The following ATG4C variants were observed in gnomAD, a reference collection of about 807,000 sequenced individuals.
The protein encoded by ATG4C is cysteine protease ATG4C.
Under a neutral mutation model 57.6 loss-of-function variants are expected in ATG4C, and 56 were observed. The observed-to-expected ratio is 0.97, with a 90% CI of 0.78 to 1.21. The LOEUF is 1.21. ATG4C is among the 50% of genes most tolerant of loss of function. The pLI, the probability that ATG4C is intolerant of heterozygous loss-of-function variation, is 0.00. For missense variants in ATG4C, 595 were observed against 529.8 expected (o/e 1.12, Z -1.21); for synonymous variants, 157 against 174.1 (o/e 0.90, Z 0.78).
intron 6 of ATG4C, among the ~76,000 whole-genome samples, chr1:62,822,525 G>T (rs1036791259): frequency 2.6e-5 from 4 of 152,132 alleles, no homozygotes; most frequent in African/African-American, 9.7e-5. Flanking sequence ...CTAGATATTT[G>T]TTACATATAA....
chr1:62,845,111 A>G (rs1387452404), intron 10 of ATG4C, among the ~76,000 whole-genome samples: 2 of 152,042 alleles, frequency 1.3e-5, no homozygotes, highest in African/African-American at 2.4e-5. Flanking sequence ...GTAGGGTTAC[A>G]TTAGATATAC....
intron 6 of ATG4C, among the ~76,000 whole-genome samples, chr1:62,823,637 G>A (rs926090794): frequency 6.6e-6 from 1 of 152,136 alleles, no homozygotes; most frequent in African/African-American, 2.4e-5. Context: ...GGCATATGAA[G>A]CACAATGAAG....
In ATG4C at chr1:62,857,491, A is replaced by G. The variant is rs1163647644; in HGVS notation, c.1210-6501A>G. 4.6e-5 allele frequency among the ~76,000 whole-genome samples: 7 copies of G among 152,104 alleles called. 1 individual carries two copies. The South Asian group carries it at 1.4e-3, about 31-fold the overall frequency. ...TAGTGAGTTGTGTAATTATTTCATT[A>G]TATATATTATATATTGCAATGTAAT... On this transcript the variant is annotated intron_variant, in intron 10 of 10. Transcript: ENST00000317868.
chr1:62,788,270 C>G (rs1474888243), intron 1 of ATG4C, among the ~76,000 whole-genome samples: 1 of 152,190 alleles, frequency 6.6e-6, no homozygotes, highest in East Asian at 1.9e-4. Context: ...TACTTTTTCC[C>G]TTATTTTTTT....
chr1:62,850,276 C>G (rs185739652), intron 10 of ATG4C, among the ~76,000 whole-genome samples: 2 of 152,126 alleles, frequency 1.3e-5, no homozygotes, highest in African/African-American at 4.8e-5. Flanking sequence ...AATTTCTCAC[C>G]ACTCTCATTA....
intron 1 of ATG4C, among the ~76,000 whole-genome samples, chr1:62,801,452 T>G (rs796347614): frequency 3.2e-4 from 49 of 152,288 alleles, no homozygotes; most frequent in African/African-American, 1.2e-3. Context: ...CCTAGAACAG[T>G]GCCTGGCAAT....
intron 9 of ATG4C, among the ~76,000 whole-genome samples, chr1:62,839,791 T>C (rs1666110965): frequency 6.6e-6 from 1 of 152,172 alleles, no homozygotes; most frequent in South Asian, 2.1e-4. Context: ...TCTCAGTATA[T>C]AAAGTAAGTT....
chr1:62,798,867 A>G lies in ATG4C; in HGVS notation c.-68-4852A>G, dbSNP rs974759857. Among the ~76,000 whole-genome samples the G allele has an allele frequency of 5.5e-4, 83 of 151,990 alleles. 4 individuals carry two copies. Among genetic ancestry groups the G allele is most frequent in the African/African-American group, 2.4e-5 (1 of 41,366 alleles). On this transcript the variant is annotated intron_variant, in intron 1 of 10. Coordinates refer to ENST00000317868, the MANE Select transcript of ATG4C (RefSeq NM_032852.4). Reference sequence around the variant, plus strand: ...GCCATGTTGGTCAGGCTGGTCTCAAACCCCTGACCTCGTGATCCACCCACC... The same window carrying G: ...GCCATGTTGGTCAGGCTGGTCTCAAGCCCCTGACCTCGTGATCCACCCACC...
At chr1:62,802,327 A>G (rs1436919031) in intron 1 of ATG4C, among the ~76,000 whole-genome samples, 1 of 152,184 alleles carries the variant, frequency 6.6e-6, no homozygotes, top group African/African-American at 2.4e-5. Context: ...TCCGAAAATC[A>G]GAAATCTGAA....
intron 1 of ATG4C, among the ~76,000 whole-genome samples, chr1:62,796,686 A>G (rs1664479578): frequency 6.6e-6 from 1 of 152,190 alleles, no homozygotes. Flanking sequence ...TAGTGTATTC[A>G]GTTTTTTATT....
rs1666973711 is a variant in ATG4C at position 62,865,446 on chromosome 1, G to T, written c.*1287G>T. ...CGGATTGTTTTAGTATACCTGATGA[G>T]AAAAATCAGGTTTGACATTTCTCAG... On this transcript the variant is annotated 3_prime_UTR_variant, in exon 11 of 11. Coordinates refer to ENST00000317868, the MANE Select transcript of ATG4C (RefSeq NM_032852.4). 1 of 151,806 alleles carries T rather than the reference G, an allele frequency of 6.6e-6. No homozygotes were observed. Among genetic ancestry groups the T allele is most frequent in the Non-Finnish European group, 1.5e-5 (1 of 67,808 alleles). The allele number at this position is 151,806 out of a possible 1,614,324, so 9.4% of individuals were successfully genotyped here. A position where few individuals can be genotyped will look rare whatever the true frequency, so the allele number is the denominator to read the frequency against.
intron 1 of ATG4C, among the ~76,000 whole-genome samples, chr1:62,797,107 G>T (rs754424065): frequency 6.6e-6 from 1 of 151,598 alleles, no homozygotes; most frequent in African/African-American, 2.4e-5. Flanking sequence ...ACTCTGTCTC[G>T]GGGAAAAAGA....
intron 10 of ATG4C, among the ~76,000 whole-genome samples, chr1:62,858,894 G>A (rs1036280832): frequency 2.0e-5 from 3 of 152,076 alleles, no homozygotes; most frequent in African/African-American, 7.2e-5. Context: ...ATGAGCTCTT[G>A]TAACAAAAAA....
intron 1 of ATG4C, among the ~76,000 whole-genome samples, chr1:62,797,592 G>T (rs1236122303): frequency 6.6e-6 from 1 of 151,498 alleles, no homozygotes; most frequent in East Asian, 1.9e-4. Context: ...TTTTCCAATT[G>T]CCTTTTTTTC....
chr1:62,824,556 A>G (rs1438089102), intron 6 of ATG4C, among the ~76,000 whole-genome samples: 3 of 151,964 alleles, frequency 2.0e-5, no homozygotes, highest in Non-Finnish European at 4.4e-5. Context: ...ATAAAATAAA[A>G]TTTTGTCTAT....
rs754210252 is a variant in ATG4C at position 62,821,148 on chromosome 1, T to C, written c.735T>C (p.Val245=). 3.1e-6 allele frequency: 5 copies of C among 1,600,070 alleles called. No individual in the cohort carries two copies. Among genetic ancestry groups the C allele is most frequent in the Non-Finnish European group, 4.3e-6 (5 of 1,174,746 alleles). ...CTTGTTATTTTCTCAGAAAAGCAGT[T>C]GAAGAAGCAAGGCATCCTGATTTAC... is the stretch of plus-strand genomic sequence containing the variant. The part of the protein sequence containing the change: ...AVVAHILRKA[V]EEARHPDLQG... The change falls in exon 6 of 11, where the codon GTT becomes GTC. Residue 245 remains valine (V), a synonymous_variant. Transcript: ENST00000317868.
intron 1 of ATG4C, among the ~76,000 whole-genome samples, chr1:62,801,851 G>A (rs1394882835): frequency 1.3e-5 from 2 of 148,598 alleles, no homozygotes; most frequent in African/African-American, 5.0e-5. Context: ...CCAGTTACTC[G>A]GGAGGCTGAG....
chr1:62,821,242 T>C, intron 6 of ATG4C, 33 bp downstream of exon 6: 2 of 1,423,080 alleles, frequency 1.4e-6, no homozygotes, highest in Non-Finnish European at 1.9e-6. Context: ...ATCTTTGTTT[T>C]ATTTGGTCAT....
Position 62,797,119 on chromosome 1 carries a change from A to T in ATG4C, c.-68-6600A>T, listed in dbSNP as rs891367665. ...AAGACTCTGTCTCGGGGAAAAAGAAAAAAAAAGAAACTAACATTATGAACT... is the reference window on the plus strand; with the variant it reads ...AAGACTCTGTCTCGGGGAAAAAGAATAAAAAAGAAACTAACATTATGAACT... On this transcript the variant is annotated intron_variant, in intron 1 of 10. Transcript: ENST00000317868. 2.0e-5 allele frequency among the ~76,000 whole-genome samples: 3 copies of T among 152,188 alleles called. No homozygotes were observed. The East Asian group carries it at 5.8e-4, about 29-fold the overall frequency.
Sources: allele counts gnomAD v4.1 joint callset (sites outside exome capture counted in the v4.1 genomes callset), GRCh38; gene constraint gnomAD v4.1.1; transcripts MANE v1.5; gene names NCBI Gene and HGNC (gene_info 2026-07-23, HGNC 2026-07-21).